CAPN14: variants seen among roughly 807,000 people sequenced by gnomAD.
CAPN14 encodes the protein calpain-14.
CAPN14 carries 94 observed loss-of-function variants against 101.3 expected under a neutral mutation model. The ratio of observed to expected loss-of-function variants is 0.93; its 90% CI spans 0.79 to 1.10. The LOEUF (loss-of-function observed/expected upper bound fraction) is 1.10. Among genes scored for constraint, CAPN14 ranks in the 50% least tolerant of loss-of-function variants. CAPN14 has a pLI of 0.00. For synonymous variants in CAPN14, 338 were observed against 317.9 expected (o/e 1.06, Z -0.67); for missense variants, 837 against 828.4 (o/e 1.01, Z -0.13).
At chr2:31,227,849 CAT>C (rs1195661272) in intron 1 of CAPN14, among the ~76,000 whole-genome samples, 1 of 152,212 alleles carries the variant, frequency 6.6e-6, no homozygotes, top group Admixed American at 6.5e-5. Context: ...ATTATAGTAA[CAT>C]GTGATGAATG....
intron 9 of CAPN14, among the ~76,000 whole-genome samples, chr2:31,194,000 C>T (rs961497229): frequency 2.0e-5 from 3 of 152,074 alleles, no homozygotes; most frequent in Non-Finnish European, 2.9e-5. Flanking sequence ...TGAGCAGCCC[C>T]AGAGTGGGTG....
chr2:31,210,280 A>T (rs1682324927), intron 1 of CAPN14, among the ~76,000 whole-genome samples: 1 of 151,270 alleles, frequency 6.6e-6, no homozygotes, highest in Non-Finnish European at 1.5e-5. Context: ...CGTCTGTACT[A>T]AAAATGCAAA....
At position 31,204,215 on chromosome 2, in the gene CAPN14, C is replaced by T. The variant is rs531936129; in HGVS notation, c.225+1008G>A. The stretch of plus-strand genomic sequence containing the variant: ...ATCTTAGACCATTCTCAAAATCACC[C>T]TTGGTTTTTTCCATCTGGAAAGTGA... On this transcript the variant is annotated intron_variant, in intron 2 of 21. Coordinates refer to ENST00000403897, the MANE Select transcript of CAPN14 (RefSeq NM_001145122.2). 4.1e-4 allele frequency among the ~76,000 whole-genome samples: 63 copies of T among 152,250 alleles called. 1 individual carries two copies. Among genetic ancestry groups the T allele is most frequent in the Middle Eastern group, 3.4e-3 (1 of 294 alleles).
chr2:31,174,618 G>GC lies in CAPN14; in HGVS notation c.*62dup. 6.5e-7 allele frequency: 1 copy of GC among 1,537,880 alleles called. No homozygotes were observed. The highest frequency in any genetic ancestry group is 2.0e-5 in the Admixed American group (1 of 50,992). On this transcript the variant is annotated 3_prime_UTR_variant, in exon 22 of 22. Transcript: ENST00000403897. ...GTAGGGTGGGCATGGGTTGGTCTCA[G>GC]CCAAAGGCTGCTCTTGGGCCACATG...
intron 5 of CAPN14, 91 bp downstream of exon 5, chr2:31,201,771 A>G: frequency 6.8e-7 from 1 of 1,480,274 alleles, no homozygotes; most frequent in South Asian, 1.3e-5. Flanking sequence ...ATCTCATTTC[A>G]TAAACTTTAC....
intron 21 of CAPN14, among the ~76,000 whole-genome samples, chr2:31,175,472 G>C (rs1680243177): frequency 6.6e-6 from 1 of 152,204 alleles, no homozygotes; most frequent in African/African-American, 2.4e-5. Flanking sequence ...TTTGCCCACT[G>C]GACCCTGCTC....
intron 19 of CAPN14, 51 bp from the exon 20 acceptor site, chr2:31,177,193 TC>T: frequency 7.9e-7 from 1 of 1,269,388 alleles, no homozygotes; most frequent in Non-Finnish European, 1.1e-6. Context: ...TGCACCCAGC[TC>T]CCCTCCTGCT....
At chr2:31,223,711 G>C (rs1682933483) in intron 2 of CAPN14, among the ~76,000 whole-genome samples, 1 of 151,832 alleles carries the variant, frequency 6.6e-6, no homozygotes, top group Non-Finnish European at 1.5e-5. Context: ...TGTATTTTTA[G>C]TAGAGATGAG....
At chr2:31,192,211 G>C (rs10192210) in intron 10 of CAPN14, 113 bp from the exon 11 acceptor site, 2 of 1,225,472 alleles carry the variant, frequency 1.6e-6, no homozygotes, top group Admixed American at 3.1e-5. Context: ...TTGACACCCT[G>C]AGGCCCACTG....
intron 16 of CAPN14, 48 bp downstream of exon 16, chr2:31,186,380 A>G: frequency 7.3e-7 from 1 of 1,367,374 alleles, no homozygotes; most frequent in Non-Finnish European, 9.9e-7. Context: ...AGAGTTTAGA[A>G]AAGTTGCATC....
chr2:31,197,385 C>T (rs1681521034), intron 7 of CAPN14, 51 bp from the exon 8 acceptor site: 8 of 1,267,076 alleles, frequency 6.3e-6, no homozygotes, highest in South Asian at 1.3e-5. Context: ...GCAAACATTC[C>T]AGAGATCTGA....
chr2:31,213,838 G>A (rs1014022511), intron 1 of CAPN14, among the ~76,000 whole-genome samples: 2 of 152,160 alleles, frequency 1.3e-5, no homozygotes, highest in Admixed American at 1.3e-4. Flanking sequence ...TACTGATTAC[G>A]AACAGGAAAA....
upstream of CAPN14, among the ~76,000 whole-genome samples, chr2:31,220,395 T>C (rs2148705540): frequency 6.6e-6 from 1 of 152,348 alleles, no homozygotes; most frequent in South Asian, 2.1e-4. Context: ...CTCTAACCAT[T>C]GATTCTCCCT....
chr2:31,232,498 A>C (rs1329619128), intron 1 of CAPN14, among the ~76,000 whole-genome samples: 1 of 152,194 alleles, frequency 6.6e-6, no homozygotes, highest in Non-Finnish European at 1.5e-5. Context: ...TAAAGGAAAA[A>C]GGTTTAATTA....
intron 1 of CAPN14, among the ~76,000 whole-genome samples, chr2:31,233,150 C>T (rs1683244781): frequency 6.6e-6 from 1 of 152,132 alleles, no homozygotes; most frequent in South Asian, 2.1e-4. Context: ...TAGCCCAGGC[C>T]CCTGCACATG....
chr2:31,176,937 G>A (rs1680325337), intron 20 of CAPN14, 89 bp downstream of exon 20: 2 of 965,834 alleles, frequency 2.1e-6, no homozygotes, highest in Non-Finnish European at 1.6e-6. Context: ...GATGGCGGCT[G>A]TCCTCCCTTG....
At chr2:31,185,263 G>T (rs912476850) in intron 16 of CAPN14, among the ~76,000 whole-genome samples, 4 of 152,100 alleles carry the variant, frequency 2.6e-5, no homozygotes, top group African/African-American at 9.7e-5. Flanking sequence ...GCCTGTAACT[G>T]GATAGAATTA....
intron 14 of CAPN14, 143 bp downstream of exon 14, chr2:31,188,175 T>C (rs1680998137): frequency 2.7e-6 from 2 of 747,776 alleles, no homozygotes; most frequent in Non-Finnish European, 4.6e-6. Flanking sequence ...ACTGTTAGGA[T>C]ACAACGGGTA....
chr2:31,178,445 A>G lies in CAPN14; in HGVS notation c.1779+66T>C, dbSNP rs368618306. The G allele has an allele frequency of 6.9e-5, 85 of 1,234,592 alleles. 1 individual carries two copies. In the African/African-American group the frequency reaches 1.1e-3, roughly 16 times the overall value. The allele number at this position is 1,234,592 out of a possible 1,614,324, so 76.5% of individuals were successfully genotyped here. On this transcript the variant is annotated intron_variant, in intron 18 of 21. Transcript: ENST00000403897. Reference sequence around the variant, plus strand: ...GCTGAAGGGGACAGAAGTATCTTCTACAGCTTTGCAGAACTGCCATTCCTA... The same window carrying G: ...GCTGAAGGGGACAGAAGTATCTTCTGCAGCTTTGCAGAACTGCCATTCCTA...
Sources: gnomAD v4.1 joint callset for allele counts (sites outside exome capture counted in the v4.1 genomes callset) on GRCh38, gnomAD v4.1.1 for gene constraint, MANE v1.5 for transcripts, NCBI Gene and HGNC (gene_info 2026-07-23, HGNC 2026-07-21) for gene names.